The following RALA variants were observed in gnomAD, a reference collection of about 807,000 sequenced individuals.
RALA encodes ras-related protein Ral-A.
RALA carries 5 observed loss-of-function variants against 24.0 expected under a neutral mutation model. The observed-to-expected ratio is 0.21, with a 90% CI of 0.11 to 0.44. RALA has a LOEUF of 0.44. RALA is among the 20% of genes least tolerant of loss of function. The pLI is 0.99. For synonymous variants in RALA, 77 were observed against 83.8 expected, an observed-to-expected ratio of 0.92 and a Z score of 0.44; for missense variants, 95 against 241.2, an observed-to-expected ratio of 0.39 and a Z score of 4.01.
chr7:39,689,065 G>A (rs896813055), intron 2 of RALA, among the ~76,000 whole-genome samples: 1 of 152,164 alleles, frequency 6.6e-6, no homozygotes, highest in Non-Finnish European at 1.5e-5. Context: ...AGAACAGCAT[G>A]AGGGAAATCT....
At chr7:39,670,333 G>C (rs1324321385) in intron 1 of RALA, among the ~76,000 whole-genome samples, 1 of 152,136 alleles carries the variant, frequency 6.6e-6, no homozygotes, top group Non-Finnish European at 1.5e-5. Flanking sequence ...TTTTTGTAGA[G>C]ACAAAGTCTC....
At chr7:39,672,725 A>G (rs1792412368) in intron 1 of RALA, among the ~76,000 whole-genome samples, 1 of 152,158 alleles carries the variant, frequency 6.6e-6, no homozygotes, top group Middle Eastern at 3.2e-3. Context: ...TCTAACAGAA[A>G]GAAGCCAGGC....
rs1039620036 is a variant in RALA, at chr7:39,707,400, CT to C, written c.*1156del. 1.3e-5 allele frequency: 2 copies of C among 152,132 alleles called. No homozygotes were observed. Among genetic ancestry groups the C allele is most frequent in the African/African-American group, 4.8e-5 (2 of 41,422 alleles). The allele number at this position is 152,132 out of a possible 1,614,324, so 9.4% of individuals were successfully genotyped here. ...AGGAATTATTAGGAGTAATTCTTTT[CT>C]GTTTCTGTTTATAATGAAGAACACT... On this transcript the variant is annotated 3_prime_UTR_variant, in exon 5 of 5. Coordinates refer to ENST00000005257, the MANE Select transcript of RALA (RefSeq NM_005402.4).
intron 4 of RALA, among the ~76,000 whole-genome samples, chr7:39,697,835 CTTAACTTT>C (rs1168134718): frequency 6.6e-6 from 1 of 152,026 alleles, no homozygotes; most frequent in Non-Finnish European, 1.5e-5. Context: ...TCTTAAGCTT[CTTAACTTT>C]TTAAGACATT....
At chr7:39,643,352 G>A (rs1196384697) in intron 1 of RALA, among the ~76,000 whole-genome samples, 1 of 152,174 alleles carries the variant, frequency 6.6e-6, no homozygotes, top group Non-Finnish European at 1.5e-5. Context: ...AATTTTTAGG[G>A]GTAAAAGGAT....
chr7:39,684,729 GA>G (rs926811297), intron 1 of RALA, among the ~76,000 whole-genome samples: 95 of 129,850 alleles, frequency 7.3e-4, no homozygotes, highest in African/African-American at 2.0e-3. Flanking sequence ...AAAAAAAAAA[GA>G]AAAAAAAAAG....
At chr7:39,691,870 A>G (rs1792823803) in intron 3 of RALA, among the ~76,000 whole-genome samples, 1 of 152,250 alleles carries the variant, frequency 6.6e-6, no homozygotes, top group Non-Finnish European at 1.5e-5. Flanking sequence ...CAGATATTTG[A>G]GTGCTTATAA....
chr7:39,643,844 G>A (rs1307399942), intron 1 of RALA, among the ~76,000 whole-genome samples: 2 of 152,118 alleles, frequency 1.3e-5, no homozygotes, highest in East Asian at 1.9e-4. Flanking sequence ...GGGTGACAAA[G>A]TTGAGACTTC....
intron 1 of RALA, among the ~76,000 whole-genome samples, chr7:39,637,273 A>C (rs1441254979): frequency 6.6e-6 from 1 of 152,162 alleles, no homozygotes; most frequent in Non-Finnish European, 1.5e-5. Flanking sequence ...GGAAGGTACA[A>C]AGTGTGACTA....
intron 1 of RALA, chr7:39,624,188 C>G (rs1382000339): frequency 6.6e-6 from 1 of 152,490 alleles, no homozygotes; most frequent in Non-Finnish European, 1.5e-5. Context: ...CGCCGCAGTC[C>G]CCGCGCCTCA....
chr7:39,661,586 T>TC, intron 1 of RALA, among the ~76,000 whole-genome samples: 1 of 152,214 alleles, frequency 6.6e-6, no homozygotes, highest in East Asian at 1.9e-4. Flanking sequence ...CTCCTTTGAC[T>TC]CCATGTCTCA....
chr7:39,656,547 G>A (rs919890473), intron 1 of RALA, among the ~76,000 whole-genome samples: 1 of 152,192 alleles, frequency 6.6e-6, no homozygotes, highest in Non-Finnish European at 1.5e-5. Flanking sequence ...GTTGTTAAGA[G>A]TCTATTGTAA....
chr7:39,627,689 A>T (rs1007272983), intron 1 of RALA, among the ~76,000 whole-genome samples: 2 of 152,206 alleles, frequency 1.3e-5, no homozygotes, highest in African/African-American at 4.8e-5. Context: ...ATAGTACTCC[A>T]TTAAAAGTGG....
chr7:39,637,063 T>TA (rs1791695473), intron 1 of RALA, among the ~76,000 whole-genome samples: 1 of 152,216 alleles, frequency 6.6e-6, no homozygotes. Context: ...ATTAAATTGT[T>TA]AAAAGCACAC....
At chr7:39,670,074 A>G (rs1041799575) in intron 1 of RALA, among the ~76,000 whole-genome samples, 6 of 152,242 alleles carry the variant, frequency 3.9e-5, no homozygotes, top group African/African-American at 1.4e-4. Flanking sequence ...GCTCATACAT[A>G]GAACCTAAAG....
intron 3 of RALA, among the ~76,000 whole-genome samples, chr7:39,693,011 C>T (rs1583754589): frequency 6.6e-6 from 1 of 152,054 alleles, no homozygotes; most frequent in East Asian, 1.9e-4. Flanking sequence ...GACAGTGTGG[C>T]GATTCCTCAA....
At chr7:39,667,827 A>C (rs1792311674) in intron 1 of RALA, among the ~76,000 whole-genome samples, 1 of 152,190 alleles carries the variant, frequency 6.6e-6, no homozygotes, top group Admixed American at 6.5e-5. Flanking sequence ...TATTCTTTTG[A>C]TATTTGGAGA....
intron 1 of RALA, among the ~76,000 whole-genome samples, chr7:39,658,586 A>T (rs1447192325): frequency 6.6e-6 from 1 of 151,936 alleles, no homozygotes; most frequent in African/African-American, 2.4e-5. Flanking sequence ...TTTTTTACAA[A>T]ATATATATAT....
intron 1 of RALA, among the ~76,000 whole-genome samples, chr7:39,664,599 G>A (rs1040262198): frequency 6.6e-6 from 1 of 152,104 alleles, no homozygotes; most frequent in African/African-American, 2.4e-5. Context: ...CAGTACTATG[G>A]AGGACCCCAA....
Sources: allele counts gnomAD v4.1 joint callset (sites outside exome capture counted in the v4.1 genomes callset), GRCh38; gene constraint gnomAD v4.1.1; transcripts MANE v1.5; gene names NCBI Gene and HGNC (gene_info 2026-07-23, HGNC 2026-07-21).